The following AUTS2 variants were observed in gnomAD, a reference collection of about 807,000 sequenced individuals.
AUTS2 encodes activator of transcription and developmental regulator AUTS2.
Under a neutral mutation model 112.4 loss-of-function variants are expected in AUTS2, and 17 were observed. The observed-to-expected ratio is 0.15, with a 90% confidence interval of 0.10 to 0.23. AUTS2 has a LOEUF of 0.23. Ranked by LOEUF, AUTS2 falls within the 10% of genes least tolerant of loss-of-function variation. The pLI is 1.00. For synonymous variants in AUTS2, 751 were observed against 702.7 expected, an observed-to-expected ratio of 1.07 and a Z score of -1.09; for missense variants, 1,510 against 1,701.6, an observed-to-expected ratio of 0.89 and a Z score of 1.98.
At chr7:70,216,303 A>G (rs1313880531) in intron 4 of AUTS2, among the ~76,000 whole-genome samples, 2 of 152,222 alleles carry the variant, frequency 1.3e-5, no homozygotes, top group African/African-American at 4.8e-5. Context: ...GACGGGCTTG[A>G]AGTCTCAGCC....
At position 70,338,785 on chromosome 7, in the gene AUTS2, A is replaced by G. The variant is rs372210385; in HGVS notation, c.661-96967A>G. Among the ~76,000 whole-genome samples, 9 of 152,086 alleles carry G rather than the reference A, an allele frequency of 5.9e-5. 1 individual carries two copies. The South Asian group carries it at 1.9e-3, about 32-fold the overall frequency. On this transcript the variant is annotated intron_variant, in intron 4 of 18. Coordinates refer to ENST00000342771, the MANE Select transcript of AUTS2 (RefSeq NM_015570.4). ...TTTGCTGCTGTTGTTGTTTTAAACC[A>G]TGACTCTCTACTAGGCTGTTCCACC...
chr7:70,676,121 C>T (rs997228391), intron 5 of AUTS2, among the ~76,000 whole-genome samples: 7 of 152,138 alleles, frequency 4.6e-5, no homozygotes, highest in African/African-American at 7.2e-5. Flanking sequence ...AAGGTTATTC[C>T]TCTTCATTAA....
intron 4 of AUTS2, among the ~76,000 whole-genome samples, chr7:70,414,561 C>T (rs541463412): frequency 3.3e-5 from 5 of 152,174 alleles, no homozygotes; most frequent in South Asian, 2.1e-4. Context: ...GCCTCCAGAA[C>T]GTGATGTCAG....
chr7:69,925,743 T>A (rs1201755139), intron 2 of AUTS2, among the ~76,000 whole-genome samples: 2 of 152,192 alleles, frequency 1.3e-5, no homozygotes, highest in Non-Finnish European at 2.9e-5. Flanking sequence ...TGGTCTTGAA[T>A]CCTTGCTCTC....
chr7:70,760,629 A>G (rs1302417518), intron 6 of AUTS2, among the ~76,000 whole-genome samples: 2 of 152,266 alleles, frequency 1.3e-5, no homozygotes, highest in African/African-American at 4.8e-5. Flanking sequence ...CCTAACTGTG[A>G]CATCTCTGAA....
chr7:70,445,646 C>G (rs139006144), intron 5 of AUTS2, among the ~76,000 whole-genome samples: 3 of 152,274 alleles, frequency 2.0e-5, no homozygotes, highest in Admixed American at 1.3e-4. Context: ...AGATGGGTAG[C>G]AAAGTCAGCC....
intron 2 of AUTS2, among the ~76,000 whole-genome samples, chr7:69,930,174 G>A (rs540816903): frequency 6.6e-6 from 1 of 152,272 alleles, no homozygotes; most frequent in African/African-American, 2.4e-5. Flanking sequence ...TCAGAGTCCT[G>A]TGCGAGTCCC....
At chr7:70,159,806 A>G (rs1022947964) in intron 4 of AUTS2, among the ~76,000 whole-genome samples, 16 of 152,192 alleles carry the variant, frequency 1.1e-4, no homozygotes, top group African/African-American at 3.4e-4. Context: ...ATTAAGCATC[A>G]CTAATACTGA....
At chr7:70,103,058 TA>T (rs1167800879) in intron 2 of AUTS2, among the ~76,000 whole-genome samples, 5 of 152,216 alleles carry the variant, frequency 3.3e-5, no homozygotes, top group African/African-American at 7.2e-5. Context: ...GATACCAGAA[TA>T]ATTATTTATA....
At chr7:70,373,646 T>C (rs967584472) in intron 4 of AUTS2, among the ~76,000 whole-genome samples, 1 of 152,202 alleles carries the variant, frequency 6.6e-6, no homozygotes, top group African/African-American at 2.4e-5. Context: ...ACTCTGAGTC[T>C]AGAATATCAT....
At chr7:69,952,756 C>T (rs1405395218) in intron 2 of AUTS2, among the ~76,000 whole-genome samples, 3 of 152,082 alleles carry the variant, frequency 2.0e-5, no homozygotes, top group African/African-American at 4.8e-5. Flanking sequence ...TCACTTGAGG[C>T]TTTTGGTAAG....
intron 1 of AUTS2, among the ~76,000 whole-genome samples, chr7:69,768,454 C>A (rs542014975): frequency 8.5e-5 from 13 of 152,200 alleles, no homozygotes; most frequent in African/African-American, 2.9e-4. Context: ...TGGAGTGTAG[C>A]CTGTGAGTGT....
intron 2 of AUTS2, among the ~76,000 whole-genome samples, chr7:69,977,478 C>G (rs1798108010): frequency 6.6e-6 from 1 of 151,958 alleles, no homozygotes; most frequent in African/African-American, 2.4e-5. Context: ...GCTAAAATTG[C>G]CATTGGGATT....
chr7:70,186,054 A>G (rs1179031594), intron 4 of AUTS2, among the ~76,000 whole-genome samples: 1 of 152,210 alleles, frequency 6.6e-6, no homozygotes, highest in African/African-American at 2.4e-5. Flanking sequence ...GAGCTTACCA[A>G]TCAGAATGAT....
intron 4 of AUTS2, among the ~76,000 whole-genome samples, chr7:70,406,940 A>G (rs780134291): frequency 2.6e-5 from 4 of 152,216 alleles, no homozygotes; most frequent in Admixed American, 6.5e-5. Context: ...CCTGTTCTCA[A>G]CCTTCCCATA....
At chr7:70,254,364 C>T (rs1786749781) in intron 4 of AUTS2, among the ~76,000 whole-genome samples, 1 of 152,146 alleles carries the variant, frequency 6.6e-6, no homozygotes, top group Non-Finnish European at 1.5e-5. Flanking sequence ...TTATATTATT[C>T]CAACCCTTCT....
intron 1 of AUTS2, among the ~76,000 whole-genome samples, chr7:69,610,905 A>G (rs1311955896): frequency 6.6e-6 from 1 of 152,190 alleles, no homozygotes; most frequent in Non-Finnish European, 1.5e-5. Context: ...CTGCATTGTT[A>G]TTAGGGAAGT....
At chr7:70,415,318 CTGGAAAATA>C (rs1246920925) in intron 4 of AUTS2, among the ~76,000 whole-genome samples, 2 of 152,190 alleles carry the variant, frequency 1.3e-5, no homozygotes, top group African/African-American at 2.4e-5. Context: ...ATTATGTCAA[CTGGAAAATA>C]TAGTCAGACT....
intron 5 of AUTS2, among the ~76,000 whole-genome samples, chr7:70,548,543 T>C (rs1211278952): frequency 6.6e-6 from 1 of 152,206 alleles, no homozygotes; most frequent in Non-Finnish European, 1.5e-5. Context: ...TTTTAACTCT[T>C]ACATTCATCT....
Sources: allele counts gnomAD v4.1 joint callset (sites outside exome capture counted in the v4.1 genomes callset), GRCh38; gene constraint gnomAD v4.1.1; transcripts MANE v1.5; gene names NCBI Gene and HGNC (gene_info 2026-07-23, HGNC 2026-07-21).